Variants in KIRREL3 observed in about 807,000 individuals in gnomAD.
KIRREL3 encodes kirre like nephrin family adhesion molecule 3.
KIRREL3 carries 36 observed loss-of-function variants against 89.7 expected under a neutral mutation model. That is an observed-to-expected ratio of 0.40 (90% CI 0.31 to 0.53). The LOEUF is 0.53. Among genes scored for constraint, KIRREL3 ranks in the 20% least tolerant of loss-of-function variants. The pLI is 0.49. For missense variants in KIRREL3, 864 were observed against 1,056.6 expected (o/e 0.82, Z 2.53); for synonymous variants, 445 against 441.4 (o/e 1.01, Z -0.10).
chr11:126,962,682 T>C (rs1949128860), intron 1 of KIRREL3, among the ~76,000 whole-genome samples: 3 of 152,318 alleles, frequency 2.0e-5, no homozygotes, highest in South Asian at 2.1e-4. Context: ...AGAAGTTCTA[T>C]TGTGGGTAAA....
rs1958514321 is a variant in KIRREL3 at position 126,519,239 on chromosome 11, T to A, written c.433+2076A>T. On this transcript the variant is annotated intron_variant, in intron 4 of 16. Coordinates refer to ENST00000525144, the MANE Select transcript of KIRREL3 (RefSeq NM_032531.4). This position sits in a 1 kb window ranked among gnomAD's most constrained non-coding sequence, Gnocchi z 4.3. Reference sequence around the variant, plus strand: ...CAAAATCGGGTCTGTTCAGGTTGGATCCTGAGGCCCTGCTCTGAGAAGCCT... The same window carrying A: ...CAAAATCGGGTCTGTTCAGGTTGGAACCTGAGGCCCTGCTCTGAGAAGCCT... 6.6e-6 allele frequency among the ~76,000 whole-genome samples: 1 copy of A among 152,126 alleles called. No homozygotes were observed. Among genetic ancestry groups the A allele is most frequent in the Non-Finnish European group, 1.5e-5 (1 of 68,012 alleles).
chr11:126,521,287 C>A lies in KIRREL3; in HGVS notation c.433+28G>T. The A allele has an allele frequency of 6.6e-7, 1 of 1,515,870 alleles. No individual in the cohort carries two copies. The highest frequency in any genetic ancestry group is 1.4e-5 in the African/African-American group (1 of 72,550). 93.9% of individuals were successfully genotyped at this position (1,515,870 alleles called of 1,614,324 possible). A position where few individuals can be genotyped will look rare whatever the true frequency, so the allele number is the denominator to read the frequency against. ...GAGCCCTTGGTGCTTCACGCAGTGT[C>A]CCAGCCCCGTGTGCAGATGGTTCTT... On this transcript the variant is annotated intron_variant, in intron 4 of 16. Coordinates refer to ENST00000525144, the MANE Select transcript of KIRREL3 (RefSeq NM_032531.4). This position sits in a 1 kb window ranked among gnomAD's most constrained non-coding sequence, Gnocchi z 4.1.
chr11:126,672,915 CA>C (rs1465321638), intron 1 of KIRREL3, among the ~76,000 whole-genome samples: 1 of 152,236 alleles, frequency 6.6e-6, no homozygotes, highest in South Asian at 2.1e-4. Flanking sequence ...CCTTAAGTTT[CA>C]AAATTTCTTA....
At position 126,615,301 on chromosome 11, in the gene KIRREL3, T is replaced by G. The variant is rs1206103520; in HGVS notation, c.56-52389A>C. Among the ~76,000 whole-genome samples the G allele has an allele frequency of 6.6e-6, 1 of 152,224 alleles. No individual in the cohort carries two copies. The highest frequency in any genetic ancestry group is 1.9e-4 in the East Asian group (1 of 5,184). On this transcript the variant is annotated intron_variant, in intron 1 of 16. Coordinates refer to ENST00000525144, the MANE Select transcript of KIRREL3 (RefSeq NM_032531.4). The surrounding 1 kb of genome is among the most constrained non-coding windows in gnomAD (Gnocchi z 5.4). ...GGCACAGTCCTCAATAAATGTTTAT[T>G]GTCATTCCTGTGATTATTAATTACT...
In KIRREL3 at chr11:126,563,925, T is replaced by C. The variant is rs1315237162; in HGVS notation, c.56-1013A>G. Among the ~76,000 whole-genome samples the C allele has an allele frequency of 1.3e-5, 2 of 152,248 alleles. No homozygotes were observed. Among genetic ancestry groups the C allele is most frequent in the African/African-American group, 4.8e-5 (2 of 41,464 alleles). ...ATATGGGCCACTGCAACTGACATTATGCAGATGGGAAAATTGAGGTTCAAC... is the reference window on the plus strand; with the variant it reads ...ATATGGGCCACTGCAACTGACATTACGCAGATGGGAAAATTGAGGTTCAAC... On this transcript the variant is annotated intron_variant, in intron 1 of 16. Transcript: ENST00000525144. The surrounding 1 kb of genome is among the most constrained non-coding windows in gnomAD (Gnocchi z 6.8).
At chr11:126,699,868 A>G (rs1174547280) in intron 1 of KIRREL3, among the ~76,000 whole-genome samples, 1 of 152,174 alleles carries the variant, frequency 6.6e-6, no homozygotes, top group African/African-American at 2.4e-5. Context: ...CAATTTTGTG[A>G]GATGATTAGT....
rs1951055665 is a variant in KIRREL3, at chr11:126,802,127, A to G, written c.55+198328T>C. Among the ~76,000 whole-genome samples the G allele has an allele frequency of 6.6e-6, 1 of 152,160 alleles. No individual in the cohort carries two copies. Among genetic ancestry groups the G allele is most frequent in the Admixed American group, 6.5e-5 (1 of 15,274 alleles). On this transcript the variant is annotated intron_variant, in intron 1 of 16. Transcript: ENST00000525144. The surrounding 1 kb of genome is among the most constrained non-coding windows in gnomAD (Gnocchi z 5.2). ...CAGGACAGTAGACATTCAGAAATTC[A>G]GTTTTAATGTCACAGGTTATGACTG...
In KIRREL3 at chr11:126,604,589, C is replaced by T. The variant is rs61685195; in HGVS notation, c.56-41677G>A. Among the ~76,000 whole-genome samples the T allele has an allele frequency of 2.1e-3, 325 of 152,338 alleles. 1 individual carries two copies. Among genetic ancestry groups the T allele is most frequent in the African/African-American group, 7.0e-3 (293 of 41,582 alleles). ...CACTCTAAATCCTCTGCTGCCTCTA[C>T]AGCTGGAGGGTTCTGATCCGTTGGC... On this transcript the variant is annotated intron_variant, in intron 1 of 16. Transcript: ENST00000525144.
At chr11:126,938,124 T>G (rs1018556691) in intron 1 of KIRREL3, among the ~76,000 whole-genome samples, 2 of 152,368 alleles carry the variant, frequency 1.3e-5, no homozygotes, top group South Asian at 4.1e-4. Context: ...TGTTTGTTGT[T>G]GCCAAACCTA....
chr11:126,971,080 G>T (rs577112039), intron 1 of KIRREL3, among the ~76,000 whole-genome samples: 13 of 152,252 alleles, frequency 8.5e-5, no homozygotes, highest in African/African-American at 2.9e-4. Flanking sequence ...CCCATCTCTT[G>T]TCATTTCCCT....
At chr11:126,534,347 G>T (rs1959036347) in intron 2 of KIRREL3, among the ~76,000 whole-genome samples, 1 of 152,240 alleles carries the variant, frequency 6.6e-6, no homozygotes, top group Non-Finnish European at 1.5e-5. Flanking sequence ...TCCGTTAGTA[G>T]AAAAAGGCTG....
rs1474422756 is a variant in KIRREL3, at chr11:126,995,438, T to A, written c.55+5017A>T. On this transcript the variant is annotated intron_variant, in intron 1 of 16. Transcript: ENST00000525144. The surrounding 1 kb of genome is among the most constrained non-coding windows in gnomAD (Gnocchi z 6.5). Reference sequence around the variant, plus strand: ...CTCTCTGTTTCTTGATGGACCCCAATAAAAAAACGCCTGCACTGTTTTTCA... The same window carrying A: ...CTCTCTGTTTCTTGATGGACCCCAAAAAAAAAACGCCTGCACTGTTTTTCA... The A allele has an allele frequency of 1.2e-5, 5 of 407,158 alleles. No homozygotes were observed. Among genetic ancestry groups the A allele is most frequent in the Admixed American group, 3.0e-5 (1 of 33,288 alleles). 25.2% of individuals were successfully genotyped at this position (407,158 alleles called of 1,614,324 possible).
rs993245212 is a variant in KIRREL3, at chr11:126,527,141, G to T, written c.134-454C>A. Among the ~76,000 whole-genome samples, 8 of 152,184 alleles carry T rather than the reference G, an allele frequency of 5.3e-5. No individual in the cohort carries two copies. The highest frequency in any genetic ancestry group is 1.9e-4 in the African/African-American group (8 of 41,432). On this transcript the variant is annotated intron_variant, in intron 2 of 16. Coordinates refer to ENST00000525144, the MANE Select transcript of KIRREL3 (RefSeq NM_032531.4). The surrounding 1 kb of genome is among the most constrained non-coding windows in gnomAD (Gnocchi z 4.2). ...AAGGGGGTCGATGGAGAGTGGTGCG[G>T]CTTTGGTTAAACCTGAGAATTCAGG...
rs1294393827 is a variant in KIRREL3, at chr11:126,431,087, G to A, written c.1696+332C>T. 5 of 1,386,070 alleles carry A rather than the reference G, an allele frequency of 3.6e-6. No homozygotes were observed. The highest frequency in any genetic ancestry group is 1.5e-5 in the African/African-American group (1 of 68,960). The allele number at this position is 1,386,070 out of a possible 1,614,324, so 85.9% of individuals were successfully genotyped here. On this transcript the variant is annotated intron_variant, in intron 14 of 16. Transcript: ENST00000525144. This position sits in a 1 kb window ranked among gnomAD's most constrained non-coding sequence, Gnocchi z 7.1. ...TCTCTCTAGACTAACAGCTCTTGTA[G>A]AGCAAGGATCAAACCACAAACCGCT...
At position 126,946,780 on chromosome 11, in the gene KIRREL3, C is replaced by T. The variant is rs886567341; in HGVS notation, c.55+53675G>A. On this transcript the variant is annotated intron_variant, in intron 1 of 16. Coordinates refer to ENST00000525144, the MANE Select transcript of KIRREL3 (RefSeq NM_032531.4). This position sits in a 1 kb window ranked among gnomAD's most constrained non-coding sequence, Gnocchi z 4.1. The stretch of plus-strand genomic sequence containing the variant: ...GTCAGGCAACAGAGTGAATGTTCTA[C>T]ACAGGTTTTGTTGCAATTTATCTTC... 3.3e-5 allele frequency among the ~76,000 whole-genome samples: 5 copies of T among 152,190 alleles called. No individual in the cohort carries two copies. Among genetic ancestry groups the T allele is most frequent in the African/African-American group, 1.2e-4 (5 of 41,444 alleles).
In KIRREL3 at chr11:126,489,972, G is replaced by A. The variant is rs1215891304; in HGVS notation, c.434-16506C>T. Among the ~76,000 whole-genome samples, 1 of 152,158 alleles carries A rather than the reference G, an allele frequency of 6.6e-6. No homozygotes were observed. Among genetic ancestry groups the A allele is most frequent in the Non-Finnish European group, 1.5e-5 (1 of 68,028 alleles). On this transcript the variant is annotated intron_variant, in intron 4 of 16. Transcript: ENST00000525144. This position sits in a 1 kb window ranked among gnomAD's most constrained non-coding sequence, Gnocchi z 5.5. ...GCAGGAATCTGGGCGTGTTAGTGCTGCATACGTTGGGGAAAATGAGACGTG... is the reference window on the plus strand; with the variant it reads ...GCAGGAATCTGGGCGTGTTAGTGCTACATACGTTGGGGAAAATGAGACGTG...
chr11:126,810,657 C>G (rs1304448125), intron 1 of KIRREL3, among the ~76,000 whole-genome samples: 3 of 152,182 alleles, frequency 2.0e-5, no homozygotes, highest in African/African-American at 7.2e-5. Context: ...TTAGAGGCTG[C>G]TTGCAGCCAG....
In KIRREL3 at chr11:126,912,298, G is replaced by T. The variant is rs1237337551; in HGVS notation, c.55+88157C>A. Among the ~76,000 whole-genome samples, 1 of 152,146 alleles carries T rather than the reference G, an allele frequency of 6.6e-6. No individual in the cohort carries two copies. Among genetic ancestry groups the T allele is most frequent in the Non-Finnish European group, 1.5e-5 (1 of 68,034 alleles). ...CGGCCGAGAGTGGCTCTGAGGACCT[G>T]CAGGTGCTGCCCACATGTGCCCTGG... On this transcript the variant is annotated intron_variant, in intron 1 of 16. Coordinates refer to ENST00000525144, the MANE Select transcript of KIRREL3 (RefSeq NM_032531.4). This position sits in a 1 kb window ranked among gnomAD's most constrained non-coding sequence, Gnocchi z 4.7.
chr11:126,724,453 G>A lies in KIRREL3; in HGVS notation c.56-161541C>T, dbSNP rs1368433405. Among the ~76,000 whole-genome samples the A allele has an allele frequency of 6.6e-6, 1 of 152,182 alleles. No individual in the cohort carries two copies. The highest frequency in any genetic ancestry group is 1.5e-5 in the Non-Finnish European group (1 of 68,032). ...AGTGAGCCAGCAGATGGACACCCTG[G>A]AGGTTCGGAGCCATGTCACTCCCTA... On this transcript the variant is annotated intron_variant, in intron 1 of 16. Coordinates refer to ENST00000525144, the MANE Select transcript of KIRREL3 (RefSeq NM_032531.4). The surrounding 1 kb of genome is among the most constrained non-coding windows in gnomAD (Gnocchi z 4.3).
Sources: gnomAD v4.1 joint callset for allele counts (sites outside exome capture counted in the v4.1 genomes callset) on GRCh38, gnomAD v4.1.1 for gene constraint, Gnocchi (gnomAD v3.1) non-coding constraint, MANE v1.5 for transcripts, NCBI Gene and HGNC (gene_info 2026-07-23, HGNC 2026-07-21) for gene names.